The following CELF2 variants were observed in gnomAD, a reference collection of about 807,000 sequenced individuals.
CELF2 encodes CUGBP Elav-like family member 2, also known as CUG triplet repeat RNA-binding protein 2.
A neutral mutation model predicts 62.6 loss-of-function variants in CELF2; 8 were observed. The ratio of observed to expected loss-of-function variants is 0.13; its 90% CI spans 0.07 to 0.23. CELF2 has a LOEUF of 0.23. Ranked by LOEUF, CELF2 falls within the 10% of genes least tolerant of loss-of-function variation. CELF2 has a pLI of 1.00. For missense variants in CELF2, 333 were observed against 671.0 expected, an observed-to-expected ratio of 0.50 and a Z score of 5.56; for synonymous variants, 258 against 250.0, an observed-to-expected ratio of 1.03 and a Z score of -0.30.
At chr10:11,135,433 C>T (rs1488262978) in intron 1 of CELF2, among the ~76,000 whole-genome samples, 1 of 152,190 alleles carries the variant, frequency 6.6e-6, no homozygotes, top group Non-Finnish European at 1.5e-5. Flanking sequence ...TGTCAAAAAA[C>T]CATTGAATGT....
At chr10:10,915,782 G>A (rs1225844471) in intron 1 of CELF2, among the ~76,000 whole-genome samples, 1 of 152,104 alleles carries the variant, frequency 6.6e-6, no homozygotes, top group East Asian at 1.9e-4. Flanking sequence ...TTCATTACTT[G>A]GTGCCTTATA....
At chr10:11,170,768 C>G (rs1226070905) in intron 2 of CELF2, among the ~76,000 whole-genome samples, 1 of 152,036 alleles carries the variant, frequency 6.6e-6, no homozygotes, top group Non-Finnish European at 1.5e-5. Context: ...ATACTTGGAA[C>G]CTAGAATCAG....
the CELF2 span, among the ~76,000 whole-genome samples, chr10:10,659,821 C>T: frequency 1.7e-4 from 26 of 152,328 alleles, no homozygotes; most frequent in East Asian, 4.6e-3. Flanking sequence ...CTCAGATCCA[C>T]CAGAATGGCT....
At chr10:11,239,880 C>A (rs538430393) in intron 3 of CELF2, among the ~76,000 whole-genome samples, 5 of 152,136 alleles carry the variant, frequency 3.3e-5, no homozygotes, top group African/African-American at 1.2e-4. Flanking sequence ...ATGGTGAAAC[C>A]CCGTCTCTAC....
In CELF2 at chr10:11,008,621, A is replaced by G. The variant is rs578178129; in HGVS notation, c.53+3181A>G. On this transcript the variant is annotated intron_variant, in intron 1 of 12. Coordinates refer to the CELF2 transcript ENST00000416382. The surrounding 1 kb of genome is among the most constrained non-coding windows in gnomAD (Gnocchi z 4.5). ...TTAATTAGGTGAAAATGTGGCTGATAAAAAGTTCATTGAGCACAGCCATGG... is the reference window on the plus strand; with the variant it reads ...TTAATTAGGTGAAAATGTGGCTGATGAAAAGTTCATTGAGCACAGCCATGG... 6.6e-6 allele frequency among the ~76,000 whole-genome samples: 1 copy of G among 151,124 alleles called. No individual in the cohort carries two copies. Among genetic ancestry groups the G allele is most frequent in the East Asian group, 1.9e-4 (1 of 5,188 alleles).
the CELF2 span, among the ~76,000 whole-genome samples, chr10:10,588,144 T>C: frequency 6.6e-6 from 1 of 152,214 alleles, no homozygotes; most frequent in African/African-American, 2.4e-5. Flanking sequence ...TTGTGCATGT[T>C]TGGCAACGGG....
At chr10:10,607,913 G>A in the CELF2 span, among the ~76,000 whole-genome samples, 1 of 152,056 alleles carries the variant, frequency 6.6e-6, no homozygotes, top group African/African-American at 2.4e-5. Context: ...GATCACCTGA[G>A]GTCAGGAGTT....
chr10:10,592,070 G>A, the CELF2 span, among the ~76,000 whole-genome samples: 3 of 151,672 alleles, frequency 2.0e-5, no homozygotes, highest in Non-Finnish European at 4.4e-5. Flanking sequence ...GTGGAGTACC[G>A]ACCTATTTAT....
At chr10:11,022,028 G>A (rs1008123711) in intron 1 of CELF2, among the ~76,000 whole-genome samples, 7 of 152,156 alleles carry the variant, frequency 4.6e-5, no homozygotes, top group Non-Finnish European at 1.0e-4. Context: ...ATCAAAAGCA[G>A]TGGGGTTCTG....
intron 1 of CELF2, among the ~76,000 whole-genome samples, chr10:11,113,575 C>T (rs976781844): frequency 2.0e-5 from 3 of 152,078 alleles, no homozygotes; most frequent in African/African-American, 7.2e-5. Flanking sequence ...TATGTTTGCC[C>T]CTTTAAATAT....
intron 2 of CELF2, among the ~76,000 whole-genome samples, chr10:10,924,221 G>A (rs1255835249): frequency 1.5e-5 from 2 of 135,262 alleles, no homozygotes; most frequent in African/African-American, 5.5e-5. Flanking sequence ...GGCGGAGCTT[G>A]CAGTGAGCCG....
chr10:10,854,124 T>G (rs979913307), intron 1 of CELF2, among the ~76,000 whole-genome samples: 3 of 152,222 alleles, frequency 2.0e-5, no homozygotes, highest in Non-Finnish European at 4.4e-5. Context: ...TGCCAAGTCA[T>G]GAATACCTAA....
the CELF2 span, among the ~76,000 whole-genome samples, chr10:10,493,833 C>T: frequency 1.3e-5 from 2 of 152,146 alleles, no homozygotes; most frequent in Non-Finnish European, 2.9e-5. Flanking sequence ...TGCCCAGCTG[C>T]AAAAGCCCAA....
intron 3 of CELF2, among the ~76,000 whole-genome samples, chr10:11,218,851 T>A (rs769007525): frequency 6.6e-6 from 1 of 152,220 alleles, no homozygotes; most frequent in African/African-American, 2.4e-5. Flanking sequence ...GACTTTTTTT[T>A]AACACAGATT....
At chr10:10,982,170 G>A (rs2052209600) in intron 2 of CELF2, among the ~76,000 whole-genome samples, 1 of 151,940 alleles carries the variant, frequency 6.6e-6, no homozygotes, top group African/African-American at 2.4e-5. Context: ...GGCCAGGCTA[G>A]TCTCCAGCTC....
intron 1 of CELF2, among the ~76,000 whole-genome samples, chr10:10,915,290 G>C (rs973270874): frequency 1.3e-5 from 2 of 152,164 alleles, no homozygotes; most frequent in Admixed American, 6.5e-5. Context: ...TAAGAGAGCA[G>C]AATTACCAGC....
the CELF2 span, among the ~76,000 whole-genome samples, chr10:10,656,778 G>A: frequency 7.1e-5 from 10 of 140,394 alleles, 1 homozygote; most frequent in South Asian, 1.1e-3. Context: ...GCTAGATGAC[G>A]AGTTAGTGGG....
chr10:10,992,952 G>T (rs1019034481), intron 2 of CELF2, among the ~76,000 whole-genome samples: 2 of 152,142 alleles, frequency 1.3e-5, no homozygotes, highest in Non-Finnish European at 2.9e-5. Context: ...ACCACAGCTT[G>T]AACTACTTGA....
At chr10:10,615,262 T>C in the CELF2 span, among the ~76,000 whole-genome samples, 1 of 152,112 alleles carries the variant, frequency 6.6e-6, no homozygotes, top group Non-Finnish European at 1.5e-5. Context: ...TCACCTACTG[T>C]TTAAAATTTG....
Sources: gnomAD v4.1 joint callset for allele counts (sites outside exome capture counted in the v4.1 genomes callset) on GRCh38, gnomAD v4.1.1 for gene constraint, Gnocchi (gnomAD v3.1) non-coding constraint, MANE v1.5 for transcripts, NCBI Gene and HGNC (gene_info 2026-07-23, HGNC 2026-07-21) for gene names.